SHROOM3: variants seen among roughly 807,000 people sequenced by gnomAD.
SHROOM3 encodes shroom family member 3.
A neutral mutation model predicts 138.6 loss-of-function variants in SHROOM3; 47 were observed. The observed-to-expected ratio is 0.34, with a 90% confidence interval of 0.27 to 0.43. The LOEUF (loss-of-function observed/expected upper bound fraction) is 0.43. SHROOM3 is among the 20% of genes least tolerant of loss of function. The pLI is 1.00. For synonymous variants in SHROOM3, 1,062 were observed against 1,063.3 expected, an observed-to-expected ratio of 1.00 and a Z score of 0.02; for missense variants, 2,491 against 2,596.5, an observed-to-expected ratio of 0.96 and a Z score of 0.88.
intron 2 of SHROOM3, among the ~76,000 whole-genome samples, chr4:76,624,117 G>C (rs1209780769): frequency 6.6e-6 from 1 of 152,162 alleles, no homozygotes; most frequent in East Asian, 1.9e-4. Context: ...GTTACCTATA[G>C]TGTTTTTAAC....
intron 1 of SHROOM3, among the ~76,000 whole-genome samples, chr4:76,439,762 A>G (rs959702753): frequency 1.3e-5 from 2 of 152,262 alleles, no homozygotes; most frequent in African/African-American, 4.8e-5. Context: ...TGGCAATATA[A>G]TAAATGAAGT....
At chr4:76,580,398 G>A (rs1734024100) in intron 2 of SHROOM3, among the ~76,000 whole-genome samples, 1 of 151,414 alleles carries the variant, frequency 6.6e-6, no homozygotes, top group Non-Finnish European at 1.5e-5. Flanking sequence ...CAGGTTACCT[G>A]GCTTCAAATC....
chr4:76,741,769 C>G lies in SHROOM3; in HGVS notation c.3596C>G (p.Thr1199Ser). 4 of 1,571,580 alleles carry G rather than the reference C, an allele frequency of 2.5e-6. No homozygotes were observed. The highest frequency in any genetic ancestry group is 3.5e-6 in the Non-Finnish European group (4 of 1,158,862). The change falls in exon 5 of 11, where the codon ACC (threonine) becomes AGC (serine). Residue 1199 changes from threonine to serine, a missense_variant. By Grantham distance (58) the Thr-to-Ser change is moderately conservative (BLOSUM62 1). This residue lies in a region of SHROOM3 where 1,733 missense variants were observed against 1,661.6 expected (regional missense o/e 1.04). Transcript: ENST00000296043. The surrounding 1 kb of genome is among the most constrained non-coding windows in gnomAD (Gnocchi z 6.2). Reference sequence around the variant, plus strand: ...GGAGCAAACGGTGGAACAAGGGGCACCCAGAGAGGGGATGAGACCCCCAGG... The same window carrying G: ...GGAGCAAACGGTGGAACAAGGGGCAGCCAGAGAGGGGATGAGACCCCCAGG... ...LSGANGGTRG[T>S]QRGDETPREP...
chr4:76,604,131 T>C (rs1734569099), intron 2 of SHROOM3, among the ~76,000 whole-genome samples: 1 of 152,108 alleles, frequency 6.6e-6, no homozygotes, highest in Non-Finnish European at 1.5e-5. Context: ...GACTGCATCT[T>C]GTATTCTTAA....
In SHROOM3 at chr4:76,754,735, A is replaced by G. The variant is rs1231850290; in HGVS notation, c.4252A>G (p.Lys1418Glu). 3 of 1,614,204 alleles carry G rather than the reference A, an allele frequency of 1.9e-6. No homozygotes were observed. ...GCATGGGGTAGAAGAGGGAACGAGG[A>G]AGAGGGTCTCGCTGCCTCAGTGGCC... ...PEHGVEEGTR[K>E]RVSLPQWPPP... Residue 1418 changes from lysine to glutamate, a missense_variant, in exon 7 of 11, where the codon AAG (lysine) becomes GAG (glutamate). Lys to Glu is a moderately conservative substitution (Grantham distance 56). This residue lies in a region of SHROOM3 where 1,733 missense variants were observed against 1,661.6 expected (regional missense o/e 1.04). Transcript: ENST00000296043.
chr4:76,511,664 G>A (rs1732339239), intron 1 of SHROOM3, among the ~76,000 whole-genome samples: 1 of 152,214 alleles, frequency 6.6e-6, no homozygotes, highest in South Asian at 2.1e-4. Flanking sequence ...TTGCAGTATG[G>A]GGGCTTGGTA....
intron 5 of SHROOM3, among the ~76,000 whole-genome samples, chr4:76,748,674 T>C (rs1194554635): frequency 6.6e-6 from 1 of 152,214 alleles, no homozygotes; most frequent in Non-Finnish European, 1.5e-5. Flanking sequence ...ATTGAATTCA[T>C]TGTCTTCGTT....
At chr4:76,737,399 G>A (rs892961383) in intron 4 of SHROOM3, among the ~76,000 whole-genome samples, 1 of 151,982 alleles carries the variant, frequency 6.6e-6, no homozygotes, top group African/African-American at 2.4e-5. Context: ...TCCGTGTGTG[G>A]GTTTTTGTGT....
intron 1 of SHROOM3, among the ~76,000 whole-genome samples, chr4:76,518,428 T>C (rs1732489348): frequency 6.6e-6 from 1 of 152,154 alleles, no homozygotes; most frequent in Non-Finnish European, 1.5e-5. Context: ...TTCTCATTAA[T>C]GGACAGGGTT....
At chr4:76,554,906 A>G (rs762401417) in intron 1 of SHROOM3, among the ~76,000 whole-genome samples, 72 of 152,098 alleles carry the variant, frequency 4.7e-4, no homozygotes, top group Middle Eastern at 3.4e-3. Context: ...CAGTGGCAGC[A>G]TTAGATTCTC....
At chr4:76,621,288 A>T (rs1256605662) in intron 2 of SHROOM3, among the ~76,000 whole-genome samples, 1 of 152,228 alleles carries the variant, frequency 6.6e-6, no homozygotes, top group Non-Finnish European at 1.5e-5. Context: ...CAGAAACCCT[A>T]TCAGGAGCTG....
At chr4:76,467,686 A>G (rs1351009954) in intron 1 of SHROOM3, among the ~76,000 whole-genome samples, 2 of 152,208 alleles carry the variant, frequency 1.3e-5, no homozygotes, top group Admixed American at 6.5e-5. Flanking sequence ...GTGATCTTTC[A>G]GGAACTAAGT....
At chr4:76,775,041 T>G (rs1462483584) in intron 10 of SHROOM3, among the ~76,000 whole-genome samples, 13 of 152,110 alleles carry the variant, frequency 8.5e-5, no homozygotes, top group Admixed American at 8.5e-4. Context: ...TTCTGTGATT[T>G]TGGTGCCTCC....
intron 1 of SHROOM3, among the ~76,000 whole-genome samples, chr4:76,533,063 T>C (rs1044737452): frequency 3.3e-5 from 5 of 152,200 alleles, no homozygotes; most frequent in African/African-American, 9.7e-5. Context: ...ATTTCATAAT[T>C]CTACTCAGAA....
intron 2 of SHROOM3, chr4:76,688,893 C>G (rs1719412580): frequency 2.0e-6 from 2 of 984,572 alleles, no homozygotes; most frequent in South Asian, 9.4e-5. Context: ...ACCTGCATCT[C>G]TGCTGTGACT....
At chr4:76,689,540 C>T in intron 2 of SHROOM3, 6 of 984,120 alleles carry the variant, frequency 6.1e-6, no homozygotes, top group African/African-American at 1.7e-5. Context: ...GGCGCGGTGG[C>T]GCGGTGGCGC....
intron 2 of SHROOM3, among the ~76,000 whole-genome samples, chr4:76,610,051 G>A (rs1429539601): frequency 1.3e-5 from 2 of 152,302 alleles, no homozygotes; most frequent in Non-Finnish European, 1.5e-5. Flanking sequence ...AAAATGGATT[G>A]TACTTTGTTT....
At chr4:76,487,338 T>C (rs1406132493) in intron 1 of SHROOM3, among the ~76,000 whole-genome samples, 2 of 152,224 alleles carry the variant, frequency 1.3e-5, no homozygotes, top group African/African-American at 4.8e-5. Flanking sequence ...ATTTATCCAT[T>C]CTTTAGTTGG....
chr4:76,518,313 T>C lies in SHROOM3; in HGVS notation c.169-37296T>C, dbSNP rs147567907. On this transcript the variant is annotated intron_variant, in intron 1 of 10. Transcript: ENST00000296043. ...TTTATTCATTCGTAGTGTCCTCCAC[T>C]CCATATCAGCATCTGGCACCTAATA... 5.5e-3 allele frequency among the ~76,000 whole-genome samples: 830 copies of C among 152,274 alleles called. 8 individuals carry two copies. Among genetic ancestry groups the C allele is most frequent in the African/African-American group, 0.019 (789 of 41,560 alleles).
Sources: gnomAD v4.1 joint callset for allele counts (sites outside exome capture counted in the v4.1 genomes callset) on GRCh38, gnomAD v4.1.1 for gene constraint, gnomAD v4.1.1 regional missense constraint, Gnocchi (gnomAD v3.1) non-coding constraint, MANE v1.5 for transcripts, NCBI Gene and HGNC (gene_info 2026-07-23, HGNC 2026-07-21) for gene names.